CUBN: variants seen among roughly 807,000 people sequenced by gnomAD.
The protein encoded by CUBN is 460 kDa receptor.
Under a neutral mutation model 405.3 loss-of-function variants are expected in CUBN, and 282 were observed. The ratio of observed to expected loss-of-function variants is 0.70; its 90% CI spans 0.63 to 0.77. The LOEUF (loss-of-function observed/expected upper bound fraction) is 0.77. CUBN is among the 30% of genes least tolerant of loss of function. The probability of loss-of-function intolerance (pLI) is 0.00; values close to 1 mark genes in which losing one functional copy is unlikely to be tolerated. For synonymous variants in CUBN, 1,684 were observed against 1,617.0 expected (o/e 1.04, Z -0.99); for missense variants, 4,514 against 4,475.2 (o/e 1.01, Z -0.25).
chr10:16,851,961 AATCTTTCCCTCCCTCC>A (rs1839710978), intron 59 of CUBN, among the ~76,000 whole-genome samples: 4 of 15,408 alleles, frequency 2.6e-4, no homozygotes, highest in Non-Finnish European at 3.6e-4. Context: ...TCCCTCCCTC[AATCTTTCCCTCCCTCC>A]CTCTATCTTT....
intron 59 of CUBN, among the ~76,000 whole-genome samples, chr10:16,851,733 C>T (rs1209641397): frequency 7.3e-6 from 1 of 137,576 alleles, no homozygotes; most frequent in Non-Finnish European, 1.6e-5. Flanking sequence ...TCCCTCCCTC[C>T]CTCTATCTTT....
chr10:17,001,913 A>T (rs1833899644), intron 28 of CUBN, among the ~76,000 whole-genome samples: 1 of 152,204 alleles, frequency 6.6e-6, no homozygotes, highest in Non-Finnish European at 1.5e-5. Flanking sequence ...TATTATTGTC[A>T]TTACTGATCT....
intron 3 of CUBN, among the ~76,000 whole-genome samples, chr10:17,127,557 T>C (rs1402534221): frequency 1.3e-5 from 2 of 151,192 alleles, no homozygotes; most frequent in Non-Finnish European, 2.9e-5. Context: ...TTACAGGCAG[T>C]TTTTTATATT....
intron 28 of CUBN, among the ~76,000 whole-genome samples, chr10:17,000,167 C>T (rs932085360): frequency 1.3e-5 from 2 of 152,332 alleles, no homozygotes; most frequent in South Asian, 4.1e-4. Context: ...TCTAGCCCGG[C>T]CAAGTTGTTC....
At position 17,043,956 on chromosome 10, in the gene CUBN, G is replaced by C. The variant is rs1244319452; in HGVS notation, c.3700C>G (p.His1234Asp). The change falls in exon 26 of 67, where the codon CAT becomes GAT. Residue 1234 changes from histidine to aspartate, a missense_variant. Transcript: ENST00000377833. The stretch of plus-strand genomic sequence containing the variant: ...TCCCCACAAAGCTGAGTTAGCAGAT[G>C]AGAGTTGCTACTTGGGCCATCATAT... ...AVYDGPSSNS[H>D]LLTQLCGDEK... The C allele has an allele frequency of 6.2e-7, 1 of 1,613,388 alleles. No individual in the cohort carries two copies. The highest frequency in any genetic ancestry group is 1.7e-5 in the Admixed American group (1 of 59,912).
At chr10:16,891,592 G>A (rs1159789516) in intron 54 of CUBN, among the ~76,000 whole-genome samples, 1 of 152,142 alleles carries the variant, frequency 6.6e-6, no homozygotes, top group East Asian at 1.9e-4. Flanking sequence ...GAGTCAGAAA[G>A]GATGCCGGAA....
rs114286622 is a variant in CUBN at position 17,127,779 on chromosome 10, T to A, written c.348+50A>T. 1.4e-3 allele frequency: 1,855 copies of A among 1,366,264 alleles called. 24 individuals carry two copies. In the African/African-American group the frequency reaches 0.022, roughly 16 times the overall value. The allele number at this position is 1,366,264 out of a possible 1,614,324, so 84.6% of individuals were successfully genotyped here. A position where few individuals can be genotyped will look rare whatever the true frequency, so the allele number is the denominator to read the frequency against. ...CCCTACAAAACGGTTACTTATACAA[T>A]AGAACTAGGGAGAACTCATCGGTTC... On this transcript the variant is annotated intron_variant, in intron 3 of 66. Transcript: ENST00000377833.
intron 60 of CUBN, among the ~76,000 whole-genome samples, chr10:16,844,581 G>A (rs1839456269): frequency 6.6e-6 from 1 of 152,208 alleles, no homozygotes; most frequent in Non-Finnish European, 1.5e-5. Context: ...GCCAGGGCTG[G>A]ATGGAAGGAA....
chr10:16,832,699 G>A (rs1205330442), intron 64 of CUBN, among the ~76,000 whole-genome samples: 1 of 152,152 alleles, frequency 6.6e-6, no homozygotes, highest in Non-Finnish European at 1.5e-5. Context: ...GGAAGAATGG[G>A]GCCACCTAGA....
rs149155134 is a variant in CUBN at position 16,829,040 on chromosome 10, C to T, written c.10529G>A (p.Gly3510Glu). ...GTCTCCATAAAGAGTTCCACCACAT[C>T]CTGCAAGGAAAACAGGACAGGAAGT... is the stretch of plus-strand genomic sequence containing the variant. ...YEIIWTSSPSGCGGTLYGDRG... is the reference protein window; with the variant it reads ...YEIIWTSSPSECGGTLYGDRG... The change falls in exon 66 of 67, where the codon GGA becomes GAA. Residue 3510 changes from glycine (G) to glutamate (E), a missense_variant and splice_region_variant. This residue lies in a region of CUBN where 1,186 missense variants were observed against 1,186.9 expected (regional missense o/e 1.00). Transcript: ENST00000377833. 8.1e-6 allele frequency: 13 copies of T among 1,612,694 alleles called. No homozygotes were observed. The highest frequency in any genetic ancestry group is 1.1e-5 in the Non-Finnish European group (13 of 1,179,048).
chr10:17,065,956 A>T (rs1490804232), intron 21 of CUBN, among the ~76,000 whole-genome samples: 3 of 152,210 alleles, frequency 2.0e-5, no homozygotes, highest in African/African-American at 7.2e-5. Context: ...TAATAAACTT[A>T]TACAACAAAG....
At chr10:17,103,602 T>C (rs995764708) in intron 12 of CUBN, among the ~76,000 whole-genome samples, 2 of 152,248 alleles carry the variant, frequency 1.3e-5, no homozygotes, top group Non-Finnish European at 2.9e-5. Flanking sequence ...AGCTGCAAGG[T>C]GAGCAGTTCA....
intron 49 of CUBN, 26 bp from the exon 50 acceptor site, chr10:16,906,435 A>AAGT: frequency 6.7e-7 from 1 of 1,502,076 alleles, no homozygotes. Context: ...GCAACAGAGA[A>AAGT]AGTAGTAGTA....
chr10:16,865,249 C>T (rs759995788), intron 59 of CUBN, among the ~76,000 whole-genome samples: 1 of 152,048 alleles, frequency 6.6e-6, no homozygotes, highest in Non-Finnish European at 1.5e-5. Context: ...GTATTACAGG[C>T]GTGAGCCACC....
chr10:16,900,600 C>T, intron 53 of CUBN, 25 bp downstream of exon 53: 1 of 1,547,792 alleles, frequency 6.5e-7, no homozygotes, highest in Non-Finnish European at 8.9e-7. Context: ...AAAAGAAAAT[C>T]AAATGGAGCA....
At chr10:17,059,710 G>A (rs1011408241) in intron 22 of CUBN, among the ~76,000 whole-genome samples, 1 of 152,178 alleles carries the variant, frequency 6.6e-6, no homozygotes, top group African/African-American at 2.4e-5. Context: ...GAAAGAAGAA[G>A]CCTTCTCAAT....
At chr10:17,023,230 G>A (rs1834550256) in intron 27 of CUBN, among the ~76,000 whole-genome samples, 3 of 150,750 alleles carry the variant, frequency 2.0e-5, no homozygotes, top group South Asian at 2.1e-4. Flanking sequence ...TAGGTTTGGG[G>A]GGCAACACTG....
At chr10:16,936,659 C>T (rs1487949109) in intron 39 of CUBN, among the ~76,000 whole-genome samples, 1 of 152,158 alleles carries the variant, frequency 6.6e-6, no homozygotes, top group Non-Finnish European at 1.5e-5. Context: ...TGATTAATTT[C>T]TTCTATGTCA....
At chr10:16,831,149 A>G (rs537833338) in intron 65 of CUBN, 103 bp downstream of exon 65, 4 of 955,132 alleles carry the variant, frequency 4.2e-6, no homozygotes, top group Non-Finnish European at 5.1e-6. Context: ...TAAACTAATC[A>G]GGTACACAGG....
Sources: gnomAD v4.1 joint callset for allele counts (sites outside exome capture counted in the v4.1 genomes callset) on GRCh38, gnomAD v4.1.1 for gene constraint, gnomAD v4.1.1 regional missense constraint, MANE v1.5 for transcripts, NCBI Gene and HGNC (gene_info 2026-07-23, HGNC 2026-07-21) for gene names.